The following ERMP1 variants were observed in gnomAD, a reference collection of about 807,000 sequenced individuals.
ERMP1 encodes the protein Felix-ina.
A neutral mutation model predicts 92.0 loss-of-function variants in ERMP1; 86 were observed. That is an observed-to-expected ratio of 0.93 (90% confidence interval 0.79 to 1.12). ERMP1 has a LOEUF of 1.12. Among genes scored for constraint, ERMP1 ranks in the 50% most tolerant of loss-of-function variants. ERMP1 has a pLI of 0.00. For synonymous variants in ERMP1, 530 were observed against 412.8 expected, an observed-to-expected ratio of 1.28 and a Z score of -3.44; for missense variants, 1,342 against 1,116.3, an observed-to-expected ratio of 1.20 and a Z score of -2.88.
At chr9:5,832,486 CG>C in intron 1 of ERMP1, 2 of 477,380 alleles carry the variant, frequency 4.2e-6, no homozygotes, top group South Asian at 3.7e-5. Context: ...CGAGCTTAAC[CG>C]GGGACAGGCA....
chr9:5,799,149 G>C, intron 11 of ERMP1, 141 bp from the exon 12 acceptor site: 3 of 607,624 alleles, frequency 4.9e-6, no homozygotes, highest in Non-Finnish European at 8.7e-6. Context: ...AGTTTCTAAG[G>C]TACTGCTAGC....
At position 5,784,918 on chromosome 9, in the gene ERMP1, C is replaced by CT. The variant is rs1233458292; in HGVS notation, c.*2225dup. On this transcript the variant is annotated 3_prime_UTR_variant, in exon 15 of 15. Transcript: ENST00000339450. ...GCATTTGTTAGTGACTTTGTTAGAG[C>CT]TTGAAAAGACCCTTTTAGAAATTAT... 2.0e-5 allele frequency: 3 copies of CT among 152,210 alleles called. No homozygotes were observed. Among genetic ancestry groups the CT allele is most frequent in the Admixed American group, 1.3e-4 (2 of 15,284 alleles). The allele number at this position is 152,210 out of a possible 1,614,324, so 9.4% of individuals were successfully genotyped here. A position where few individuals can be genotyped will look rare whatever the true frequency, so the allele number is the denominator to read the frequency against.
At chr9:5,865,068 T>C (rs1187377604) in intron 5 of ERMP1, among the ~76,000 whole-genome samples, 2 of 152,146 alleles carry the variant, frequency 1.3e-5, no homozygotes, top group African/African-American at 4.8e-5. Flanking sequence ...GGTAGTAAAT[T>C]ATGGTACAAT....
At chr9:5,795,776 A>AAAAAAG (rs1020640467) in intron 13 of ERMP1, among the ~76,000 whole-genome samples, 29 of 152,246 alleles carry the variant, frequency 1.9e-4, no homozygotes, top group South Asian at 8.3e-4. Context: ...AGACTGTCTC[A>AAAAAAG]AAAAAGAAAA....
chr9:5,804,210 A>C (rs1169159527), intron 10 of ERMP1, among the ~76,000 whole-genome samples: 1 of 152,054 alleles, frequency 6.6e-6, no homozygotes, highest in Non-Finnish European at 1.5e-5. Context: ...AGTGTTCAAT[A>C]ATTACTTTTT....
chr9:5,813,877 C>A (rs986772358), intron 4 of ERMP1, among the ~76,000 whole-genome samples: 1 of 147,168 alleles, frequency 6.8e-6, no homozygotes, highest in African/African-American at 2.5e-5. Flanking sequence ...TATAATTATA[C>A]GTATATTTAT....
chr9:5,810,892 C>G (rs1040372755), intron 7 of ERMP1, among the ~76,000 whole-genome samples: 1 of 152,096 alleles, frequency 6.6e-6, no homozygotes, highest in African/African-American at 2.4e-5. Flanking sequence ...CTATGTGGTA[C>G]TTTTATGGAG....
chr9:5,831,062 A>G (rs1398619826), intron 1 of ERMP1, 34 bp from the exon 2 acceptor site: 1 of 1,572,024 alleles, frequency 6.4e-7, no homozygotes, highest in African/African-American at 1.4e-5. Context: ...AAAGGTTTGT[A>G]GTTAAAATTG....
intron 4 of ERMP1, among the ~76,000 whole-genome samples, chr9:5,822,885 C>T (rs1415424776): frequency 1.3e-5 from 2 of 152,272 alleles, no homozygotes; most frequent in South Asian, 2.1e-4. Flanking sequence ...GAGGCTTGAG[C>T]AGTAGGATAT....
intron 8 of ERMP1, among the ~76,000 whole-genome samples, chr9:5,809,232 G>C (rs1019912687): frequency 4.6e-5 from 7 of 151,946 alleles, no homozygotes; most frequent in Non-Finnish European, 8.8e-5. Flanking sequence ...GTGTTAGCCA[G>C]GATGGTCTCG....
intron 4 of ERMP1, among the ~76,000 whole-genome samples, chr9:5,820,318 A>G (rs982152273): frequency 1.3e-5 from 2 of 152,234 alleles, no homozygotes; most frequent in Admixed American, 1.3e-4. Context: ...AGGTGGCTAT[A>G]AAGTAGCAGA....
In ERMP1 at chr9:5,826,160, G is replaced by A. The variant is rs1829724999; in HGVS notation, c.641-941C>T. Among the ~76,000 whole-genome samples, 3 of 152,148 alleles carry A rather than the reference G, an allele frequency of 2.0e-5. No homozygotes were observed. In the South Asian group the frequency reaches 6.2e-4, roughly 32 times the overall value. ...GAAACAAGATCAGACTGCTGAAGCT[G>A]GGAGATAAGTACACTGGGGTTCATT... On this transcript the variant is annotated intron_variant, in intron 2 of 14. Transcript: ENST00000339450.
chr9:5,865,392 C>T (rs1249375805), intron 5 of ERMP1, among the ~76,000 whole-genome samples: 1 of 152,070 alleles, frequency 6.6e-6, no homozygotes, highest in Non-Finnish European at 1.5e-5. Flanking sequence ...CCTGTAGTCC[C>T]AGCTACTTGG....
At chr9:5,862,170 C>G (rs985447211) in intron 5 of ERMP1, among the ~76,000 whole-genome samples, 2 of 152,032 alleles carry the variant, frequency 1.3e-5, no homozygotes, top group African/African-American at 4.8e-5. Context: ...GCTGGGACCA[C>G]AGGTGTGTGC....
At chr9:5,797,143 C>T (rs778557454) in intron 13 of ERMP1, among the ~76,000 whole-genome samples, 4 of 152,056 alleles carry the variant, frequency 2.6e-5, no homozygotes, top group Non-Finnish European at 4.4e-5. Flanking sequence ...ATTCTCCCAG[C>T]TCAGCCTCTC....
intron 6 of ERMP1, among the ~76,000 whole-genome samples, chr9:5,849,383 A>G (rs1183270915): frequency 6.6e-6 from 1 of 152,158 alleles, no homozygotes; most frequent in Non-Finnish European, 1.5e-5. Flanking sequence ...CTAATCTAGC[A>G]CCTTCATTTT....
chr9:5,855,541 G>T (rs895544242), intron 6 of ERMP1, among the ~76,000 whole-genome samples: 1 of 152,264 alleles, frequency 6.6e-6, no homozygotes, highest in Non-Finnish European at 1.5e-5. Context: ...ACTGTATGCT[G>T]TTTGAAATCC....
intron 6 of ERMP1, among the ~76,000 whole-genome samples, chr9:5,852,684 A>C (rs1378068697): frequency 6.6e-6 from 1 of 152,010 alleles, no homozygotes; most frequent in East Asian, 1.9e-4. Context: ...AGAATGTTTT[A>C]AGTGAACACC....
chr9:5,813,375 G>C (rs1167710983), intron 4 of ERMP1, among the ~76,000 whole-genome samples: 1 of 152,044 alleles, frequency 6.6e-6, no homozygotes, highest in Admixed American at 6.5e-5. Context: ...GTATATAGCT[G>C]TACTCAAGAT....
Sources: allele counts gnomAD v4.1 joint callset (sites outside exome capture counted in the v4.1 genomes callset), GRCh38; gene constraint gnomAD v4.1.1; transcripts MANE v1.5; gene names NCBI Gene and HGNC (gene_info 2026-07-23, HGNC 2026-07-21).